NIPAL3: variants seen among roughly 807,000 people sequenced by gnomAD.
NIPAL3 encodes the protein NIPA like domain containing 3.
A neutral mutation model predicts 47.2 loss-of-function variants in NIPAL3; 41 were observed. The ratio of observed to expected loss-of-function variants is 0.87; its 90% CI spans 0.68 to 1.13. The LOEUF (loss-of-function observed/expected upper bound fraction) is 1.13. NIPAL3 is among the 50% of genes most tolerant of loss of function. The probability of loss-of-function intolerance (pLI) is 0.00; values close to 1 mark genes in which losing one functional copy is unlikely to be tolerated. For missense variants in NIPAL3, 449 were observed against 530.1 expected, an observed-to-expected ratio of 0.85 and a Z score of 1.50; for synonymous variants, 194 against 209.6, an observed-to-expected ratio of 0.93 and a Z score of 0.64.
At chr1:24,440,361 C>G in intron 3 of NIPAL3, 121 bp downstream of exon 3, 1 of 654,422 alleles carries the variant, frequency 1.5e-6, no homozygotes, top group Non-Finnish European at 2.4e-6. Context: ...CTGGGCTGCA[C>G]CTGGGACAAT....
At position 24,449,618 on chromosome 1, in the gene NIPAL3, T is replaced by C. The variant is rs747987350; in HGVS notation, c.532T>C (p.Leu178=). ...TRHLVSWPFL[L]YMLVEIILFC... ...GCACCTCGTGAGCTGGCCTTTCCTT[T>C]TGTACATGGTAAGAGAAGCCTCCAG... Residue 178 remains leucine, a synonymous_variant, in exon 6 of 12, where the codon TTG becomes CTG. Transcript: ENST00000374399. This position sits in a 1 kb window ranked among gnomAD's most constrained non-coding sequence, Gnocchi z 4.5. 3 of 1,613,132 alleles carry C rather than the reference T, an allele frequency of 1.9e-6. No individual in the cohort carries two copies. The African/African-American group carries it at 4.0e-5, about 22-fold the overall frequency.
intron 6 of NIPAL3, 58 bp from the exon 7 acceptor site, chr1:24,453,350 C>A: frequency 7.9e-7 from 1 of 1,268,862 alleles, no homozygotes; most frequent in South Asian, 1.2e-5. Context: ...ACCAGGGTCT[C>A]CCGGTCTCGC....
chr1:24,466,916 G>A (rs1646721768), intron 11 of NIPAL3, among the ~76,000 whole-genome samples: 1 of 152,162 alleles, frequency 6.6e-6, no homozygotes, highest in Non-Finnish European at 1.5e-5. Flanking sequence ...GCAATAGGGA[G>A]CCAAAGGGCC....
At chr1:24,458,812 C>G in intron 8 of NIPAL3, 76 bp from the exon 9 acceptor site, 1 of 1,155,312 alleles carries the variant, frequency 8.7e-7, no homozygotes, top group Middle Eastern at 1.9e-4. Flanking sequence ...TATTTCAAAC[C>G]AAACTCTACT....
At chr1:24,468,604 G>T (rs6691538) in intron 11 of NIPAL3, among the ~76,000 whole-genome samples, 6,295 of 152,218 alleles carry the variant, frequency 0.041, 429 homozygotes, top group African/African-American at 0.14. Flanking sequence ...CCTCGACAGT[G>T]TAACAAAGTT....
At position 24,472,739 on chromosome 1, in the gene NIPAL3, C is replaced by G. The variant is rs549596136; in HGVS notation, c.*3554C>G. ...ATCAGGCTAGTGTTGGGGAACCAGC[C>G]CGGCAGCCTTCCATGTGAATTCCAA... On this transcript the variant is annotated 3_prime_UTR_variant, in exon 12 of 12. Transcript: ENST00000374399. 2.6e-5 allele frequency: 4 copies of G among 152,202 alleles called. No individual in the cohort carries two copies. Among genetic ancestry groups the G allele is most frequent in the African/African-American group, 9.6e-5 (4 of 41,534 alleles). The allele number at this position is 152,202 out of a possible 1,614,324, so 9.4% of individuals were successfully genotyped here.
At chr1:24,425,191 C>T (rs958822806) in intron 2 of NIPAL3, among the ~76,000 whole-genome samples, 2 of 152,182 alleles carry the variant, frequency 1.3e-5, no homozygotes, top group African/African-American at 4.8e-5. Flanking sequence ...CTACTCTCTC[C>T]AGCTTGTGCT....
At position 24,463,954 on chromosome 1, in the gene NIPAL3, G is replaced by C. The variant is rs75245080; in HGVS notation, c.927-72G>C. The stretch of plus-strand genomic sequence containing the variant: ...GCCTTTTTACCTCTTTCCATCACCT[G>C]AGCCTGAAAGTGTGCCTGCCCGACC... On this transcript the variant is annotated intron_variant, in intron 10 of 11. Coordinates refer to ENST00000374399, the MANE Select transcript of NIPAL3 (RefSeq NM_020448.5). 103 of 1,309,494 alleles carry C rather than the reference G, an allele frequency of 7.9e-5. No individual in the cohort carries two copies. The African/African-American group carries it at 1.4e-3, about 18-fold the overall frequency. The allele number at this position is 1,309,494 out of a possible 1,614,324, so 81.1% of individuals were successfully genotyped here. A position where few individuals can be genotyped will look rare whatever the true frequency, so the allele number is the denominator to read the frequency against.
intron 10 of NIPAL3, among the ~76,000 whole-genome samples, chr1:24,462,850 C>G (rs1239588577): frequency 1.3e-5 from 2 of 152,126 alleles, no homozygotes; most frequent in African/African-American, 4.8e-5. Context: ...GTAATCCCAG[C>G]ACTTTGGGAG....
intron 2 of NIPAL3, among the ~76,000 whole-genome samples, chr1:24,436,492 CTTT>C (rs964709493): frequency 6.9e-6 from 1 of 144,738 alleles, no homozygotes. Context: ...TTATGTTTGT[CTTT>C]TTTTTTTTTT....
intron 3 of NIPAL3, among the ~76,000 whole-genome samples, chr1:24,441,273 A>G (rs917700495): frequency 6.6e-6 from 1 of 152,072 alleles, no homozygotes; most frequent in Non-Finnish European, 1.5e-5. Flanking sequence ...TGGGATGTGT[A>G]TGTTTCTGTG....
intron 2 of NIPAL3, among the ~76,000 whole-genome samples, chr1:24,428,647 C>T (rs1483682982): frequency 1.3e-5 from 2 of 152,204 alleles, no homozygotes; most frequent in Non-Finnish European, 2.9e-5. Context: ...GGTCTTCTCT[C>T]TGAAGGCTCC....
At chr1:24,443,069 C>T (rs773126501) in intron 4 of NIPAL3, among the ~76,000 whole-genome samples, 3 of 152,192 alleles carry the variant, frequency 2.0e-5, no homozygotes, top group Non-Finnish European at 2.9e-5. Context: ...TCCCAAAGTG[C>T]TGGGACTACA....
chr1:24,468,702 C>T lies in NIPAL3; in HGVS notation c.1022-284C>T, dbSNP rs184989366. ...CTAGTTCCATTCCACCTGGGGCCCA[C>T]ACCGACATTCCCACCTCACTTTAGG... On this transcript the variant is annotated intron_variant, in intron 11 of 11. Coordinates refer to ENST00000374399, the MANE Select transcript of NIPAL3 (RefSeq NM_020448.5). Among the ~76,000 whole-genome samples the T allele has an allele frequency of 3.3e-5, 5 of 152,356 alleles. No homozygotes were observed. In the East Asian group the frequency reaches 9.6e-4, roughly 29 times the overall value.
intron 4 of NIPAL3, 66 bp downstream of exon 4, chr1:24,442,292 C>A: frequency 6.4e-7 from 1 of 1,554,494 alleles, no homozygotes; most frequent in South Asian, 1.2e-5. Context: ...GTGCCAGCGC[C>A]AGGATCAAAG....
At chr1:24,464,246 TTTC>T in intron 11 of NIPAL3, 126 bp downstream of exon 11, 5 of 687,582 alleles carry the variant, frequency 7.3e-6, no homozygotes, top group Non-Finnish European at 9.0e-6. Context: ...CACTGTCTTT[TTTC>T]TTTTCTTTTT....
intron 11 of NIPAL3, among the ~76,000 whole-genome samples, chr1:24,467,046 A>C (rs1646727561): frequency 6.6e-6 from 1 of 152,166 alleles, no homozygotes; most frequent in Non-Finnish European, 1.5e-5. Flanking sequence ...ACCTTGGGCA[A>C]GTTACTTCAC....
At position 24,454,313 on chromosome 1, in the gene NIPAL3, C is replaced by G; in HGVS notation, c.637+809C>G. ...GCTGGTGAAGCCTGCTACCGCGCTG[C>G]TCTTGAGTGGCCTCAGGCTAATGAC... On this transcript the variant is annotated intron_variant, in intron 7 of 11. Coordinates refer to ENST00000374399, the MANE Select transcript of NIPAL3 (RefSeq NM_020448.5). The surrounding 1 kb of genome is among the most constrained non-coding windows in gnomAD (Gnocchi z 4.1). The G allele has an allele frequency of 8.8e-7, 1 of 1,134,886 alleles. No homozygotes were observed. Among genetic ancestry groups the G allele is most frequent in the South Asian group, 1.9e-5 (1 of 52,538 alleles). 70.3% of individuals were successfully genotyped at this position (1,134,886 alleles called of 1,614,324 possible).
chr1:24,436,454 CCTT>C (rs985297995), intron 2 of NIPAL3, among the ~76,000 whole-genome samples: 3 of 151,964 alleles, frequency 2.0e-5, no homozygotes, highest in East Asian at 3.9e-4. Context: ...AGCTTGTCTG[CCTT>C]CTTCTCTCTG....
Sources: gnomAD v4.1 joint callset for allele counts (sites outside exome capture counted in the v4.1 genomes callset) on GRCh38, gnomAD v4.1.1 for gene constraint, Gnocchi (gnomAD v3.1) non-coding constraint, MANE v1.5 for transcripts, NCBI Gene and HGNC (gene_info 2026-07-23, HGNC 2026-07-21) for gene names.